PRKDC: variants seen among roughly 807,000 people sequenced by gnomAD.
PRKDC encodes the protein protein kinase, DNA-activated, catalytic subunit.
PRKDC carries 82 observed loss-of-function variants against 486.9 expected under a neutral mutation model. That is an observed-to-expected ratio of 0.17 (90% confidence interval 0.14 to 0.20). PRKDC has a LOEUF of 0.20. Among genes scored for constraint, PRKDC ranks in the 10% least tolerant of loss-of-function variants. The pLI, the probability that PRKDC is intolerant of heterozygous loss-of-function variation, is 1.00. For synonymous variants in PRKDC, 1,895 were observed against 1,837.0 expected (o/e 1.03, Z -0.81); for missense variants, 4,504 against 5,038.2 (o/e 0.89, Z 3.21).
intron 38 of PRKDC, 55 bp downstream of exon 38, chr8:47,881,361 A>T: frequency 9.3e-7 from 1 of 1,077,296 alleles, no homozygotes; most frequent in Non-Finnish European, 1.4e-6. Flanking sequence ...CACAAATAAA[A>T]AATACGAAAA....
Position 47,773,955 on chromosome 8 carries a change from C to A in PRKDC, c.*218G>T. 2.1e-6 allele frequency: 1 copy of A among 477,128 alleles called. No homozygotes were observed. Among genetic ancestry groups the A allele is most frequent in the South Asian group, 4.7e-5 (1 of 21,402 alleles). 29.6% of individuals were successfully genotyped at this position (477,128 alleles called of 1,614,324 possible). A position where few individuals can be genotyped will look rare whatever the true frequency, so the allele number is the denominator to read the frequency against. ...CCTGGATATCTATCTTTCTATAAAC[C>A]TCACCTAATCTTTGATGTTACTATA... is the stretch of plus-strand genomic sequence containing the variant. On this transcript the variant is annotated 3_prime_UTR_variant, in exon 86 of 86. Transcript: ENST00000314191.
At chr8:47,940,506 C>T (rs537192253) in intron 10 of PRKDC, among the ~76,000 whole-genome samples, 6 of 152,320 alleles carry the variant, frequency 3.9e-5, no homozygotes, top group East Asian at 3.9e-4. Context: ...TAGGTCTTAG[C>T]GCCTGACCTT....
chr8:47,937,834 G>A (rs185765956), intron 11 of PRKDC, among the ~76,000 whole-genome samples: 211 of 152,364 alleles, frequency 1.4e-3, no homozygotes, highest in Admixed American at 2.8e-3. Flanking sequence ...AAAAGGGAAA[G>A]GCTGGGCACT....
intron 1 of PRKDC, 98 bp downstream of exon 1, chr8:47,959,875 T>C: frequency 2.7e-6 from 4 of 1,473,094 alleles, no homozygotes; most frequent in South Asian, 2.6e-5. Flanking sequence ...TACTTCAAAA[T>C]ACCGTCATCT....
chr8:47,834,647 A>C (rs190397843), intron 58 of PRKDC, among the ~76,000 whole-genome samples: 2 of 150,470 alleles, frequency 1.3e-5, no homozygotes, highest in Admixed American at 1.3e-4. Flanking sequence ...CACAGGAATA[A>C]CACTTTGTTA....
rs79377209 is a variant in PRKDC at position 47,821,878 on chromosome 8, A to C, written c.8923-86T>G. On this transcript the variant is annotated intron_variant, in intron 64 of 85. Coordinates refer to ENST00000314191, the MANE Select transcript of PRKDC (RefSeq NM_006904.7). Reference sequence around the variant, plus strand: ...CGTAAAAAGGAGGAATGTAACAATCACACTAAAAACAATCCTTTTCAGATT... The same window carrying C: ...CGTAAAAAGGAGGAATGTAACAATCCCACTAAAAACAATCCTTTTCAGATT... 96 of 1,144,010 alleles carry C rather than the reference A, an allele frequency of 8.4e-5. 1 individual carries two copies. In the East Asian group the frequency reaches 2.4e-3, roughly 28 times the overall value. The allele number at this position is 1,144,010 out of a possible 1,614,324, so 70.9% of individuals were successfully genotyped here.
chr8:47,933,484 T>C (rs1431050321), intron 15 of PRKDC, among the ~76,000 whole-genome samples: 1 of 152,270 alleles, frequency 6.6e-6, no homozygotes, highest in Non-Finnish European at 1.5e-5. Flanking sequence ...TCTGTGGATG[T>C]GTATGTATAA....
Position 47,882,011 on chromosome 8 carries a change from T to C in PRKDC, c.4863A>G (p.Thr1621=), listed in dbSNP as rs1274439939. 1.2e-6 allele frequency: 2 copies of C among 1,613,928 alleles called. No homozygotes were observed. Among genetic ancestry groups the C allele is most frequent in the South Asian group, 1.1e-5 (1 of 91,088 alleles). ...QKHQGLKLAT[T]ILQHWKKCDS... ...CACACTTCTTCCAGTGTTGCAGAAT[T>C]GTAGTCGCAAGTTTCAGTCCTTGGT... Residue 1621 remains threonine, a synonymous_variant, in exon 37 of 86, where the codon ACA becomes ACG. Coordinates refer to ENST00000314191, the MANE Select transcript of PRKDC (RefSeq NM_006904.7).
At position 47,902,791 on chromosome 8, in the gene PRKDC, C is replaced by T; in HGVS notation, c.3047G>A (p.Gly1016Glu). 1 of 1,599,656 alleles carries T rather than the reference C, an allele frequency of 6.3e-7. No individual in the cohort carries two copies. The highest frequency in any genetic ancestry group is 8.5e-7 in the Non-Finnish European group (1 of 1,174,276). Reference protein sequence around the residue: ...TVALLEAILDGIVDPVDSTLR... With the variant: ...TVALLEAILDEIVDPVDSTLR... The stretch of plus-strand genomic sequence containing the variant: ...AGTACTGTCAACAGGGTCCACAATT[C>T]CATCCTGAAACAAAACAAAGAGACC... The change falls in exon 27 of 86, where the codon GGA (glycine) becomes GAA (glutamate). Residue 1016 changes from glycine (G) to glutamate (E), a missense_variant. Gly to Glu is a moderately conservative substitution (Grantham distance 98, BLOSUM62 -2). Coordinates refer to ENST00000314191, the MANE Select transcript of PRKDC (RefSeq NM_006904.7).
At chr8:47,899,999 C>A (rs1589777088) in intron 28 of PRKDC, among the ~76,000 whole-genome samples, 1 of 152,316 alleles carries the variant, frequency 6.6e-6, no homozygotes, top group East Asian at 1.9e-4. Flanking sequence ...AGTGCAGAGG[C>A]ACTGACCACA....
intron 62 of PRKDC, among the ~76,000 whole-genome samples, chr8:47,827,118 TCACACACACACACACACACACACACA>T (rs61385951): frequency 9.8e-4 from 126 of 128,240 alleles, no homozygotes; most frequent in African/African-American, 3.1e-3. Context: ...AATATGAAGA[TCACACACACACACACACACACACACA>T]CACACACACA....
chr8:47,843,437 T>C (rs745973387), intron 54 of PRKDC, among the ~76,000 whole-genome samples: 5 of 152,162 alleles, frequency 3.3e-5, no homozygotes, highest in South Asian at 2.1e-4. Flanking sequence ...CTATGACTTA[T>C]TGGAATTCCT....
At chr8:47,789,439 A>G (rs1368689212) in intron 74 of PRKDC, among the ~76,000 whole-genome samples, 1 of 151,852 alleles carries the variant, frequency 6.6e-6, no homozygotes, top group African/African-American at 2.4e-5. Flanking sequence ...ATGTTAAATG[A>G]AGCAAGAAGC....
At chr8:47,876,851 T>G (rs574610599) in intron 40 of PRKDC, among the ~76,000 whole-genome samples, 109 of 152,164 alleles carry the variant, frequency 7.2e-4, no homozygotes, top group African/African-American at 1.9e-3. Flanking sequence ...CTTAATGAAA[T>G]AAGTGATTCA....
intron 12 of PRKDC, 39 bp downstream of exon 12, chr8:47,936,314 A>T: frequency 6.4e-7 from 1 of 1,559,206 alleles, no homozygotes; most frequent in South Asian, 1.2e-5. Context: ...AGAAATGAAG[A>T]TTAAATACTT....
chr8:47,885,686 T>A (rs1469861348), intron 36 of PRKDC, among the ~76,000 whole-genome samples: 1 of 149,728 alleles, frequency 6.7e-6, no homozygotes, highest in Admixed American at 6.7e-5. Context: ...AGGTCAGGAG[T>A]TCAAGACCAG....
chr8:47,854,003 T>G (rs954453467), intron 51 of PRKDC, 80 bp downstream of exon 51: 8 of 1,536,692 alleles, frequency 5.2e-6, no homozygotes, highest in Non-Finnish European at 7.1e-6. Flanking sequence ...TCCTTAAAAT[T>G]ATCAAAACTG....
At chr8:47,953,274 T>G (rs375657631) in intron 7 of PRKDC, among the ~76,000 whole-genome samples, 26 of 152,256 alleles carry the variant, frequency 1.7e-4, no homozygotes, top group East Asian at 1.5e-3. Flanking sequence ...ACCACTGCAC[T>G]CCAGCCTGAG....
At chr8:47,846,859 T>C (rs1037025234) in intron 54 of PRKDC, among the ~76,000 whole-genome samples, 1 of 152,098 alleles carries the variant, frequency 6.6e-6, no homozygotes, top group Admixed American at 6.5e-5. Context: ...TATACACCAA[T>C]AACATTACAG....
Sources: allele counts gnomAD v4.1 joint callset (sites outside exome capture counted in the v4.1 genomes callset), GRCh38; gene constraint gnomAD v4.1.1; transcripts MANE v1.5; gene names NCBI Gene and HGNC (gene_info 2026-07-23, HGNC 2026-07-21).